FOCAD: variants seen among roughly 807,000 people sequenced by gnomAD.
FOCAD encodes the protein focadhesin.
A neutral mutation model predicts 225.6 loss-of-function variants in FOCAD; 198 were observed. The ratio of observed to expected loss-of-function variants is 0.88; its 90% CI spans 0.78 to 0.99. FOCAD has a LOEUF of 0.99. Among genes scored for constraint, FOCAD ranks in the 50% least tolerant of loss-of-function variants. The pLI, the probability that FOCAD is intolerant of heterozygous loss-of-function variation, is 0.00. For synonymous variants in FOCAD, 897 were observed against 755.0 expected (o/e 1.19, Z -3.08); for missense variants, 2,713 against 2,123.6 (o/e 1.28, Z -5.46).
At chr9:20,929,142 A>G (rs1307384118) in intron 26 of FOCAD, 3 of 486,648 alleles carry the variant, frequency 6.2e-6, no homozygotes, top group Non-Finnish European at 1.1e-5. Flanking sequence ...TCAGATTTAA[A>G]AGGATATTAT....
intron 21 of FOCAD, among the ~76,000 whole-genome samples, chr9:20,897,681 G>A (rs1456340997): frequency 6.6e-6 from 1 of 151,440 alleles, no homozygotes; most frequent in Non-Finnish European, 1.5e-5. Flanking sequence ...CTCATTCCTT[G>A]TATCATTGCT....
intron 1 of FOCAD, among the ~76,000 whole-genome samples, chr9:20,685,456 C>G (rs1279685252): frequency 6.6e-6 from 1 of 152,196 alleles, no homozygotes; most frequent in African/African-American, 2.4e-5. Flanking sequence ...TGTCAACGAA[C>G]ATTGTATCTG....
At chr9:20,957,588 C>A (rs1838296835) in intron 35 of FOCAD, 1 of 142,906 alleles carries the variant, frequency 7.0e-6, no homozygotes, top group Non-Finnish European at 1.5e-5. Flanking sequence ...GATTGGCCTG[C>A]CTCAGCCTCC....
intron 35 of FOCAD, among the ~76,000 whole-genome samples, chr9:20,975,047 G>A (rs1480165583): frequency 6.6e-6 from 1 of 151,970 alleles, no homozygotes; most frequent in Non-Finnish European, 1.5e-5. Flanking sequence ...TCCTGCCTCT[G>A]CTTTTCCTTT....
At chr9:20,678,487 T>C (rs1277885251) in intron 2 of FOCAD, among the ~76,000 whole-genome samples, 2 of 152,224 alleles carry the variant, frequency 1.3e-5, no homozygotes, top group Admixed American at 6.5e-5. Context: ...TTGTTTGTGA[T>C]TGTAAGCCAC....
At chr9:20,746,265 A>C (rs968902571) in intron 5 of FOCAD, among the ~76,000 whole-genome samples, 1 of 152,116 alleles carries the variant, frequency 6.6e-6, no homozygotes, top group African/African-American at 2.4e-5. Context: ...AGAGTGTTTC[A>C]GAGGAAGGAA....
intron 15 of FOCAD, among the ~76,000 whole-genome samples, chr9:20,846,095 C>T (rs1827077965): frequency 6.6e-6 from 1 of 152,070 alleles, no homozygotes; most frequent in South Asian, 2.1e-4. Flanking sequence ...GCACATTTCT[C>T]AGGGATTCCA....
At chr9:20,750,984 T>C (rs1204807477) in intron 5 of FOCAD, among the ~76,000 whole-genome samples, 3 of 152,120 alleles carry the variant, frequency 2.0e-5, no homozygotes, top group Non-Finnish European at 4.4e-5. Flanking sequence ...GGAAAGTATT[T>C]AGTCTGATCG....
At chr9:20,982,266 A>G (rs1000414267) in intron 38 of FOCAD, 91 bp from the exon 39 acceptor site, 3 of 904,440 alleles carry the variant, frequency 3.3e-6, no homozygotes, top group Admixed American at 2.3e-5. Context: ...GCTGCTGTTC[A>G]TGGGGATAAG....
chr9:20,699,714 G>T (rs1262731119), intron 1 of FOCAD, among the ~76,000 whole-genome samples: 1 of 114,494 alleles, frequency 8.7e-6, no homozygotes, highest in Non-Finnish European at 1.6e-5. Context: ...CTCCACCCTG[G>T]GCTACAGAGC....
At chr9:20,701,134 C>T (rs1823909089) in intron 1 of FOCAD, among the ~76,000 whole-genome samples, 1 of 152,354 alleles carries the variant, frequency 6.6e-6, no homozygotes, top group South Asian at 2.1e-4. Context: ...ACTTTGTCCT[C>T]TCAAACCATA....
At chr9:20,705,924 GTTTTTT>G (rs59407171) in intron 1 of FOCAD, among the ~76,000 whole-genome samples, 12,466 of 106,750 alleles carry the variant, frequency 0.12, 855 homozygotes, top group Non-Finnish European at 0.17. Context: ...TCAGTTTTAA[GTTTTTT>G]TTTTTTTTTT....
intron 11 of FOCAD, among the ~76,000 whole-genome samples, chr9:20,809,159 A>G (rs1451516305): frequency 6.6e-6 from 1 of 152,180 alleles, no homozygotes; most frequent in African/African-American, 2.4e-5. Context: ...AATTTAATGT[A>G]TGTAACTGTT....
intron 21 of FOCAD, among the ~76,000 whole-genome samples, chr9:20,889,999 T>A (rs965163359): frequency 2.6e-5 from 4 of 152,208 alleles, no homozygotes; most frequent in African/African-American, 9.6e-5. Context: ...TTTAATTTTT[T>A]ACTGTTTATT....
chr9:20,866,917 T>TTTTAACAAA lies in FOCAD; in HGVS notation c.2107-12_2107-11insTTTAACAAA. 1 of 764,972 alleles carries TTTTAACAAA rather than the reference T, an allele frequency of 1.3e-6. No individual in the cohort carries two copies. Among genetic ancestry groups the TTTTAACAAA allele is most frequent in the Non-Finnish European group, 2.0e-6 (1 of 498,468 alleles). 47.4% of individuals were successfully genotyped at this position (764,972 alleles called of 1,614,324 possible). A position where few individuals can be genotyped will look rare whatever the true frequency, so the allele number is the denominator to read the frequency against. ...TTTTTTTTTTTTTTTTTTTTTTTTT[T>TTTTAACAAA]ACCCTATCTAGGACCCAATTGTAGC... On this transcript the variant is annotated splice_polypyrimidine_tract_variant and intron_variant, in intron 17 of 43. Coordinates refer to ENST00000338382, the MANE Select transcript of FOCAD (RefSeq NM_001375567.1).
chr9:20,751,564 A>G (rs1828549673), intron 5 of FOCAD, among the ~76,000 whole-genome samples: 1 of 109,942 alleles, frequency 9.1e-6, no homozygotes, highest in Non-Finnish European at 2.1e-5. Context: ...TCATTGTTGG[A>G]CATTTGGGTT....
intron 15 of FOCAD, among the ~76,000 whole-genome samples, chr9:20,840,121 G>A (rs114345731): frequency 0.028 from 4,321 of 151,950 alleles, 102 homozygotes; most frequent in African/African-American, 0.063. Context: ...GTTTTTGCTC[G>A]GGATGGTTTT....
Position 20,685,340 on chromosome 9 carries a change from T to G in FOCAD, c.-33+1047T>G, listed in dbSNP as rs1822602261. ...AAGAGGAATGGGATTAGTATAATTTTGAGATTTTCCAGGAGAGGAGGGTAG... is the reference window on the plus strand; with the variant it reads ...AAGAGGAATGGGATTAGTATAATTTGGAGATTTTCCAGGAGAGGAGGGTAG... On this transcript the variant is annotated intron_variant, in intron 1 of 43. Transcript: ENST00000338382. Among the ~76,000 whole-genome samples the G allele has an allele frequency of 2.0e-5, 3 of 152,164 alleles. No homozygotes were observed. In the South Asian group the frequency reaches 6.2e-4, roughly 32 times the overall value.
chr9:20,739,461 G>C (rs952087368), intron 4 of FOCAD, among the ~76,000 whole-genome samples: 1 of 152,092 alleles, frequency 6.6e-6, no homozygotes, highest in African/African-American at 2.4e-5. Context: ...AAATTAGCCA[G>C]ATGTGGTGGC....
Sources: gnomAD v4.1 joint callset for allele counts (sites outside exome capture counted in the v4.1 genomes callset) on GRCh38, gnomAD v4.1.1 for gene constraint, MANE v1.5 for transcripts, NCBI Gene and HGNC (gene_info 2026-07-23, HGNC 2026-07-21) for gene names.